Variants in GRID1 observed in about 807,000 individuals in gnomAD.
The protein encoded by GRID1 is glutamate ionotropic receptor delta type subunit 1, also known as glutamate receptor ionotropic, delta-1.
Under a neutral mutation model 98.0 loss-of-function variants are expected in GRID1, and 28 were observed. That is an observed-to-expected ratio of 0.29 (90% CI 0.21 to 0.39). The LOEUF (loss-of-function observed/expected upper bound fraction) is 0.39. Ranked by LOEUF, GRID1 falls within the 10% of genes least tolerant of loss-of-function variation. GRID1 has a pLI of 1.00. For synonymous variants in GRID1, 553 were observed against 538.5 expected, an observed-to-expected ratio of 1.03 and a Z score of -0.37; for missense variants, 1,111 against 1,340.5, an observed-to-expected ratio of 0.83 and a Z score of 2.67.
chr10:86,296,468 G>C (rs901528005), intron 2 of GRID1, among the ~76,000 whole-genome samples: 21 of 152,144 alleles, frequency 1.4e-4, no homozygotes, highest in Non-Finnish European at 5.9e-5. Context: ...AAAAAAATAG[G>C]CTGGACACAC....
chr10:85,997,908 C>G (rs1336160673), intron 4 of GRID1, among the ~76,000 whole-genome samples: 1 of 151,870 alleles, frequency 6.6e-6, no homozygotes, highest in Non-Finnish European at 1.5e-5. Flanking sequence ...CAAATAAAAG[C>G]CAGAGTAGCT....
intron 4 of GRID1, among the ~76,000 whole-genome samples, chr10:85,922,958 GTCTCTGGAGCC>G (rs1564627524): frequency 6.6e-6 from 1 of 152,026 alleles, no homozygotes; most frequent in Non-Finnish European, 1.5e-5. Flanking sequence ...CCCCAGCCTT[GTCTCTGGAGCC>G]TCTTTGGTCT....
chr10:85,722,245 C>T (rs1444312684), intron 12 of GRID1, among the ~76,000 whole-genome samples: 3 of 152,068 alleles, frequency 2.0e-5, no homozygotes, highest in Admixed American at 6.5e-5. Flanking sequence ...TTACTAAAGG[C>T]AGTGAGTCAA....
intron 8 of GRID1, among the ~76,000 whole-genome samples, chr10:85,827,301 T>TA (rs1489884639): frequency 1.3e-5 from 2 of 151,868 alleles, no homozygotes; most frequent in African/African-American, 4.8e-5. Flanking sequence ...CAGATAGAGC[T>TA]AAAAAACTCA....
At chr10:85,651,384 G>A (rs573749725) in intron 12 of GRID1, among the ~76,000 whole-genome samples, 2 of 152,266 alleles carry the variant, frequency 1.3e-5, no homozygotes, top group South Asian at 2.1e-4. Flanking sequence ...AAGCTTCCAG[G>A]CTCATGTGAT....
intron 4 of GRID1, among the ~76,000 whole-genome samples, chr10:86,044,925 G>A (rs755424730): frequency 3.3e-5 from 5 of 152,210 alleles, no homozygotes; most frequent in African/African-American, 1.2e-4. Flanking sequence ...CTGAGTCAGT[G>A]CCAGGCAGAA....
chr10:86,138,818 C>T lies in GRID1; in HGVS notation c.726+1G>A. On this transcript the variant is annotated splice_donor_variant, in intron 4 of 15. Coordinates refer to ENST00000327946, the MANE Select transcript of GRID1 (RefSeq NM_017551.3). LOFTEE classifies it high-confidence loss of function. ...TGAGGCCTCAGGCCCCCATGACCTA[C>T]CTCGTTGATGAAGGAGTGGGCTCCC... 6.2e-7 allele frequency: 1 copy of T among 1,613,672 alleles called. No individual in the cohort carries two copies. Among genetic ancestry groups the T allele is most frequent in the Non-Finnish European group, 8.5e-7 (1 of 1,179,626 alleles).
At chr10:86,321,876 T>G (rs988510901) in intron 2 of GRID1, among the ~76,000 whole-genome samples, 2 of 151,996 alleles carry the variant, frequency 1.3e-5, no homozygotes, top group Non-Finnish European at 2.9e-5. Context: ...GCCTCACAGA[T>G]AGGACAACAG....
rs989677453 is a variant in GRID1, at chr10:85,889,399, A to AT, written c.781-20220dup. On this transcript the variant is annotated intron_variant, in intron 5 of 15. Transcript: ENST00000327946. ...TACTCTCTACTTCTACGAGATCAAT[A>AT]TTTTTTAGATTCCACTTGAGTGAGA... Among the ~76,000 whole-genome samples the AT allele has an allele frequency of 3.5e-4, 53 of 152,240 alleles. No homozygotes were observed. In the Middle Eastern group the frequency reaches 0.014, roughly 39 times the overall value.
chr10:85,662,256 G>C (rs1840973535), intron 12 of GRID1, among the ~76,000 whole-genome samples: 1 of 152,156 alleles, frequency 6.6e-6, no homozygotes, highest in Non-Finnish European at 1.5e-5. Context: ...CAGTAGTCAG[G>C]TCAACAAACA....
At position 85,854,583 on chromosome 10, in the gene GRID1, C is replaced by T. The variant is rs768024756; in HGVS notation, c.1146G>A (p.Glu382=). Residue 382 remains glutamate, a synonymous_variant, in exon 8 of 16, where the codon GAG becomes GAA. Coordinates refer to ENST00000327946, the MANE Select transcript of GRID1 (RefSeq NM_017551.3). ...GHITGLTGVM[E]FREDSSNPYV... Reference sequence around the variant, plus strand: ...AGGGATTCGAACTGTCCTCCCGAAACTCCATCACCCCAGTGAGGCCAGTGA... The same window carrying T: ...AGGGATTCGAACTGTCCTCCCGAAATTCCATCACCCCAGTGAGGCCAGTGA... 6 of 1,613,930 alleles carry T rather than the reference C, an allele frequency of 3.7e-6. No homozygotes were observed. Among genetic ancestry groups the T allele is most frequent in the Non-Finnish European group, 2.5e-6 (3 of 1,179,790 alleles).
chr10:85,743,628 A>G (rs1841971099), intron 8 of GRID1, among the ~76,000 whole-genome samples: 1 of 152,160 alleles, frequency 6.6e-6, no homozygotes, highest in Non-Finnish European at 1.5e-5. Flanking sequence ...AAAATATTGG[A>G]AGCTGAAAAA....
intron 8 of GRID1, among the ~76,000 whole-genome samples, chr10:85,758,789 T>C (rs545225439): frequency 1.6e-4 from 24 of 152,250 alleles, no homozygotes; most frequent in African/African-American, 5.8e-4. Context: ...TACTAGAGCA[T>C]CTATGGCACT....
chr10:85,634,291 T>TCTCTCTCTCTCTCTCTCACA (rs1162030685), intron 13 of GRID1, among the ~76,000 whole-genome samples: 2 of 102,948 alleles, frequency 1.9e-5, no homozygotes, highest in Admixed American at 9.4e-5. Flanking sequence ...TCTCTCTCTC[T>TCTCTCTCTCTCTCTCTCACA]CACACACACA....
At chr10:85,874,897 G>C (rs1410935621) in intron 5 of GRID1, among the ~76,000 whole-genome samples, 1 of 151,952 alleles carries the variant, frequency 6.6e-6, no homozygotes, top group Non-Finnish European at 1.5e-5. Flanking sequence ...ACAGAGTCTC[G>C]TTCTGTCTCC....
At chr10:85,892,457 C>T (rs867659980) in intron 5 of GRID1, among the ~76,000 whole-genome samples, 8 of 151,360 alleles carry the variant, frequency 5.3e-5, no homozygotes, top group Middle Eastern at 3.2e-3. Context: ...GAAGAAGATC[C>T]GATATGCAGG....
chr10:85,781,658 T>C (rs1842382261), intron 8 of GRID1, among the ~76,000 whole-genome samples: 1 of 152,168 alleles, frequency 6.6e-6, no homozygotes, highest in African/African-American at 2.4e-5. Flanking sequence ...TCAAGCCTCC[T>C]GAGTAAAATC....
At chr10:86,069,477 T>C (rs1179444723) in intron 4 of GRID1, among the ~76,000 whole-genome samples, 1 of 152,052 alleles carries the variant, frequency 6.6e-6, no homozygotes, top group Non-Finnish European at 1.5e-5. Flanking sequence ...TGAAACCCCG[T>C]CTCTACCAAA....
chr10:86,211,402 G>C (rs1056720220), intron 2 of GRID1, among the ~76,000 whole-genome samples: 4 of 152,196 alleles, frequency 2.6e-5, no homozygotes, highest in African/African-American at 9.7e-5. Flanking sequence ...GTAATGAGCG[G>C]CTTCCAGCCC....
Sources: gnomAD v4.1 joint callset for allele counts (sites outside exome capture counted in the v4.1 genomes callset) on GRCh38, gnomAD v4.1.1 for gene constraint, MANE v1.5 for transcripts, NCBI Gene and HGNC (gene_info 2026-07-23, HGNC 2026-07-21) for gene names.